ZNF595: variants seen among roughly 807,000 people sequenced by gnomAD.
ZNF595 encodes zinc finger protein 595.
Under a neutral mutation model 19.4 loss-of-function variants are expected in ZNF595, and 9 were observed. The ratio of observed to expected loss-of-function variants is 0.46; its 90% CI spans 0.28 to 0.81. The LOEUF is 0.81. Ranked by LOEUF, ZNF595 falls within the 30% of genes least tolerant of loss-of-function variation. The pLI is 0.11. For missense variants in ZNF595, 729 were observed against 736.0 expected (o/e 0.99, Z 0.11); for synonymous variants, 255 against 255.9 (o/e 1.00, Z 0.03).
intron 1 of ZNF595, among the ~76,000 whole-genome samples, chr4:54,841 G>T (rs1281545012): frequency 6.0e-4 from 90 of 149,046 alleles, no homozygotes; most frequent in African/African-American, 2.1e-3. Context: ...CTGTACCTGT[G>T]GCACAAACCA....
At chr4:81,199 G>C (rs966192241) in intron 3 of ZNF595, among the ~76,000 whole-genome samples, 3 of 152,170 alleles carry the variant, frequency 2.0e-5, no homozygotes, top group African/African-American at 7.2e-5. Flanking sequence ...GAAAACTTAG[G>C]ATGTTTTCAT....
At chr4:60,810 A>C (rs1581322331) in intron 3 of ZNF595, among the ~76,000 whole-genome samples, 1 of 152,294 alleles carries the variant, frequency 6.6e-6, no homozygotes, top group African/African-American at 2.4e-5. Context: ...CAAATATGAA[A>C]AAATATGTTA....
At chr4:77,132 A>G (rs1177058078) in intron 3 of ZNF595, among the ~76,000 whole-genome samples, 4 of 149,672 alleles carry the variant, frequency 2.7e-5, no homozygotes, top group Non-Finnish European at 4.5e-5. Context: ...TCACTCTTTC[A>G]TTCTTTTTTT....
At position 87,095 on chromosome 4, in the gene ZNF595, T is replaced by G. The variant is rs1553801943; in HGVS notation, c.1591T>G (p.Ser531Ala). Reference sequence around the variant, plus strand: ...CCTTATTATACACAGGAGCATTCATTCTGAACAAAAACTTTACAAATGTGA... The same window carrying G: ...CCTTATTATACACAGGAGCATTCATGCTGAACAAAAACTTTACAAATGTGA... Reference protein sequence around the residue: ...SGLIIHRSIHSEQKLYKCEEC... With the variant: ...SGLIIHRSIHAEQKLYKCEEC... The change falls in exon 4 of 4, where the codon TCT becomes GCT. Residue 531 changes from serine (S) to alanine (A), a missense_variant. By Grantham distance (99) the Ser-to-Ala change is moderately conservative. Coordinates refer to ENST00000610261, the MANE Select transcript of ZNF595 (RefSeq NM_182524.4). The G allele has an allele frequency of 6.2e-7, 1 of 1,610,908 alleles. No homozygotes were observed. The highest frequency in any genetic ancestry group is 1.1e-5 in the South Asian group (1 of 90,824).
intron 3 of ZNF595, among the ~76,000 whole-genome samples, chr4:78,095 G>A (rs797030109): frequency 2.0e-5 from 3 of 152,162 alleles, no homozygotes; most frequent in African/African-American, 4.8e-5. Context: ...TGTAAGCTCC[G>A]CCTTCCTGGT....
At chr4:69,523 T>C (rs1283661750) in intron 3 of ZNF595, among the ~76,000 whole-genome samples, 3 of 152,220 alleles carry the variant, frequency 2.0e-5, no homozygotes, top group Non-Finnish European at 2.9e-5. Flanking sequence ...TATACCTTTT[T>C]GTTATTTGTA....
chr4:87,407 C>A lies in ZNF595; in HGVS notation c.1903C>A (p.Leu635Ile), dbSNP rs1714274104. The change falls in exon 4 of 4, where the codon CTT (leucine) becomes ATT (isoleucine). Residue 635 changes from leucine to isoleucine, a missense_variant. This residue lies in a region of ZNF595 where 729 missense variants were observed against 675.3 expected (regional missense o/e 1.08). Coordinates refer to ENST00000610261, the MANE Select transcript of ZNF595 (RefSeq NM_182524.4). ...CAAAGCTTTTAATCGGCCCTCAACC[C>A]TTACTGTACACAAGCGAATTCATAC... ...CGKAFNRPST[L>I]TVHKRIHTGK... The A allele has an allele frequency of 6.2e-7, 1 of 1,610,786 alleles. No homozygotes were observed. Among genetic ancestry groups the A allele is most frequent in the African/African-American group, 1.3e-5 (1 of 74,852 alleles).
chr4:70,103 C>T (rs1009767861), intron 3 of ZNF595, among the ~76,000 whole-genome samples: 2 of 152,078 alleles, frequency 1.3e-5, no homozygotes, highest in Non-Finnish European at 2.9e-5. Context: ...AGGCTTGAGT[C>T]AACACTACTA....
At chr4:72,924 C>T (rs1031635599) in intron 3 of ZNF595, among the ~76,000 whole-genome samples, 1 of 152,142 alleles carries the variant, frequency 6.6e-6, no homozygotes, top group African/African-American at 2.4e-5. Context: ...ACCTTTCCTG[C>T]AGGTGTACCA....
At chr4:75,051 C>A (rs1377240451) in intron 3 of ZNF595, among the ~76,000 whole-genome samples, 1 of 150,670 alleles carries the variant, frequency 6.6e-6, no homozygotes, top group African/African-American at 2.4e-5. Context: ...TCCTAGAAAT[C>A]TCTTTTGTCT....
chr4:64,723 T>G (rs1713007700), intron 3 of ZNF595, among the ~76,000 whole-genome samples: 2 of 152,300 alleles, frequency 1.3e-5, no homozygotes, highest in Non-Finnish European at 2.9e-5. Flanking sequence ...CTTTGATGGT[T>G]GTATTACCAG....
At chr4:78,154 G>A (rs1203410275) in intron 3 of ZNF595, among the ~76,000 whole-genome samples, 3 of 152,050 alleles carry the variant, frequency 2.0e-5, no homozygotes, top group Non-Finnish European at 2.9e-5. Flanking sequence ...GACTACAGGC[G>A]TCCGCGGCCA....
intron 3 of ZNF595, among the ~76,000 whole-genome samples, chr4:72,078 T>A (rs1483684621): frequency 6.6e-6 from 1 of 152,184 alleles, no homozygotes; most frequent in African/African-American, 2.4e-5. Flanking sequence ...GTACTGCCAC[T>A]CCCTGGGTTT....
intron 3 of ZNF595, among the ~76,000 whole-genome samples, chr4:76,554 T>G (rs1271458710): frequency 6.6e-6 from 1 of 152,224 alleles, no homozygotes; most frequent in Non-Finnish European, 1.5e-5. Flanking sequence ...TACTTTTATA[T>G]GTTTTCTTGT....
intron 3 of ZNF595, among the ~76,000 whole-genome samples, chr4:77,415 G>GT (rs1713717890): frequency 6.6e-6 from 1 of 151,596 alleles, no homozygotes; most frequent in Non-Finnish European, 1.5e-5. Flanking sequence ...GTGTTTTATT[G>GT]TAAGTGGTTA....
In ZNF595 at chr4:87,906, G is replaced by C. The variant is rs185584528; in HGVS notation, c.*455G>C. 21 of 152,600 alleles carry C rather than the reference G, an allele frequency of 1.4e-4. No homozygotes were observed. The highest frequency in any genetic ancestry group is 3.9e-4 in the Admixed American group (6 of 15,280). The allele number at this position is 152,600 out of a possible 1,614,324, so 9.5% of individuals were successfully genotyped here. On this transcript the variant is annotated 3_prime_UTR_variant, in exon 4 of 4. Transcript: ENST00000610261. ...CAGCTAATTTTTTGTATTTTCAGTA[G>C]AGACAGGGTTTCACAATGCTGGCCA...
chr4:80,822 G>A (rs1713876572), intron 3 of ZNF595, among the ~76,000 whole-genome samples: 1 of 150,858 alleles, frequency 6.6e-6, no homozygotes, highest in South Asian at 2.1e-4. Context: ...CTTGGGCTCA[G>A]AGGCCTGACA....
At position 86,769 on chromosome 4, in the gene ZNF595, A is replaced by G; in HGVS notation, c.1265A>G (p.Lys422Arg). The G allele has an allele frequency of 1.9e-6, 3 of 1,613,960 alleles. No individual in the cohort carries two copies. The highest frequency in any genetic ancestry group is 2.5e-6 in the Non-Finnish European group (3 of 1,179,898). The change falls in exon 4 of 4, where the codon AAA becomes AGA. Residue 422 changes from lysine to arginine, a missense_variant. Physicochemically the swap from Lys to Arg is conservative, Grantham distance 26. Transcript: ENST00000610261. ...CATAAGAGAATTCATACTGGAGAGA[A>G]ACCCTACACGTGCGAAGAATGTGGC... The part of the protein sequence containing the change: ...AKHKRIHTGE[K>R]PYTCEECGKA...
At chr4:60,632 TAA>T (rs1712813393) in intron 3 of ZNF595, 1 of 372,616 alleles carries the variant, frequency 2.7e-6, no homozygotes, top group Admixed American at 3.8e-5. Context: ...AATTATACTT[TAA>T]GTTTTAGGGT....
Sources: allele counts gnomAD v4.1 joint callset (sites outside exome capture counted in the v4.1 genomes callset), GRCh38; gene constraint gnomAD v4.1.1; regional missense constraint gnomAD v4.1.1; transcripts MANE v1.5; gene names NCBI Gene and HGNC (gene_info 2026-07-23, HGNC 2026-07-21).